The following NDFIP2 variants were observed in gnomAD, a reference collection of about 807,000 sequenced individuals.
NDFIP2 encodes the protein NEDD4 family-interacting protein 2.
NDFIP2 carries 19 observed loss-of-function variants against 36.0 expected under a neutral mutation model. That is an observed-to-expected ratio of 0.53 (90% CI 0.37 to 0.77). The LOEUF (loss-of-function observed/expected upper bound fraction) is 0.77. Among genes scored for constraint, NDFIP2 ranks in the 30% least tolerant of loss-of-function variants. NDFIP2 has a pLI of 0.00. For missense variants in NDFIP2, 446 were observed against 435.8 expected, an observed-to-expected ratio of 1.02 and a Z score of -0.21; for synonymous variants, 181 against 167.7, an observed-to-expected ratio of 1.08 and a Z score of -0.61.
intron 2 of NDFIP2, among the ~76,000 whole-genome samples, chr13:79,531,857 G>T (rs942378180): frequency 6.6e-6 from 1 of 152,206 alleles, no homozygotes; most frequent in Non-Finnish European, 1.5e-5. Context: ...GTTCACTGTA[G>T]TAGCACTTTT....
intron 1 of NDFIP2, among the ~76,000 whole-genome samples, chr13:79,518,420 A>G (rs566682901): frequency 2.4e-4 from 36 of 152,340 alleles, no homozygotes; most frequent in Non-Finnish European, 3.7e-4. Flanking sequence ...TACATTCACT[A>G]TCTCACAAAA....
At chr13:79,520,224 C>T (rs1474156812) in intron 1 of NDFIP2, among the ~76,000 whole-genome samples, 1 of 152,202 alleles carries the variant, frequency 6.6e-6, no homozygotes, top group African/African-American at 2.4e-5. Context: ...TCTAGATTCA[C>T]ACATTTTTTC....
chr13:79,546,198 C>T (rs1875672874), intron 5 of NDFIP2, among the ~76,000 whole-genome samples: 2 of 148,876 alleles, frequency 1.3e-5, no homozygotes, highest in African/African-American at 4.8e-5. Context: ...CTCCTAAAAA[C>T]CTGGTGTTCC....
chr13:79,492,446 C>CA (rs1352368321), intron 1 of NDFIP2, among the ~76,000 whole-genome samples: 1 of 152,006 alleles, frequency 6.6e-6, no homozygotes, highest in African/African-American at 2.4e-5. Context: ...CTGTGTCACC[C>CA]AGGCTGGAGT....
intron 2 of NDFIP2, among the ~76,000 whole-genome samples, chr13:79,523,222 T>G (rs961414905): frequency 1.1e-4 from 16 of 152,142 alleles, no homozygotes; most frequent in Non-Finnish European, 2.4e-4. Context: ...TTGTTTGTTT[T>G]TGTTTTTGTT....
chr13:79,497,594 G>A (rs896527821), intron 1 of NDFIP2, among the ~76,000 whole-genome samples: 1 of 148,184 alleles, frequency 6.7e-6, no homozygotes, highest in South Asian at 2.1e-4. Context: ...GTTGCTCTCC[G>A]TTGGGAAGGT....
intron 1 of NDFIP2, among the ~76,000 whole-genome samples, chr13:79,511,286 G>A (rs984777136): frequency 3.3e-5 from 5 of 152,242 alleles, no homozygotes; most frequent in Admixed American, 1.3e-4. Flanking sequence ...TATAATTTGG[G>A]GTACAGTATT....
intron 6 of NDFIP2, 22 bp from the exon 7 acceptor site, chr13:79,550,995 C>T: frequency 1.5e-6 from 2 of 1,368,100 alleles, no homozygotes; most frequent in Non-Finnish European, 2.0e-6. Flanking sequence ...ATAGTATATC[C>T]ATATTATTTC....
intron 1 of NDFIP2, among the ~76,000 whole-genome samples, chr13:79,484,472 A>G (rs1391783474): frequency 1.3e-5 from 2 of 152,252 alleles, no homozygotes; most frequent in Non-Finnish European, 1.5e-5. Context: ...TAGTAAGTGT[A>G]ACTGGAAGAT....
chr13:79,508,599 G>A lies in NDFIP2; in HGVS notation c.322-12211G>A, dbSNP rs568066202. The stretch of plus-strand genomic sequence containing the variant: ...CTGGTGGGAGTGTAGTAGTGAGGAC[G>A]ACCAGAGGTCACTCTCTTCGCCATC... On this transcript the variant is annotated intron_variant, in intron 1 of 7. Coordinates refer to ENST00000218652, the MANE Select transcript of NDFIP2 (RefSeq NM_019080.3). Among the ~76,000 whole-genome samples, 15 of 152,284 alleles carry A rather than the reference G, an allele frequency of 9.9e-5. No homozygotes were observed. In the East Asian group the frequency reaches 2.1e-3, roughly 22 times the overall value.
Position 79,509,688 on chromosome 13 carries a change from TATAG to T in NDFIP2, c.322-11120_322-11117del, listed in dbSNP as rs900666130. 5.7e-5 allele frequency among the ~76,000 whole-genome samples: 8 copies of T among 140,386 alleles called. No individual in the cohort carries two copies. The East Asian group carries it at 1.4e-3, about 25-fold the overall frequency. The allele number at this position is 140,386 out of a possible 152,430, so 92.1% of individuals were successfully genotyped here. On this transcript the variant is annotated intron_variant, in intron 1 of 7. Transcript: ENST00000218652. ...GATGTATATTATCGATATATATATA[TATAG>T]AGAGAGAGAGAGAGAAGTTTATTAA...
At chr13:79,530,418 C>T (rs1874970269) in intron 2 of NDFIP2, among the ~76,000 whole-genome samples, 3 of 152,180 alleles carry the variant, frequency 2.0e-5, no homozygotes, top group African/African-American at 7.2e-5. Flanking sequence ...TGCCCAGCTC[C>T]AGCTGTGGCA....
In NDFIP2 at chr13:79,481,459, C is replaced by A. The variant is rs773177618; in HGVS notation, c.256C>A (p.Arg86=). Residue 86 remains arginine, a synonymous_variant, in exon 1 of 8, where the codon CGG becomes AGG. Transcript: ENST00000218652. ...TGAGCACGGAGAAGACTCCCTCTCT[C>A]GGAAGCCGGATCCCGAGCCGGGCAG... The part of the protein sequence containing the change: ...GAEHGEDSLS[R]KPDPEPGRMD... The A allele has an allele frequency of 3.8e-6, 6 of 1,563,022 alleles. No individual in the cohort carries two copies. The highest frequency in any genetic ancestry group is 5.2e-6 in the Non-Finnish European group (6 of 1,153,354).
intron 1 of NDFIP2, among the ~76,000 whole-genome samples, chr13:79,517,044 A>G (rs949935931): frequency 6.6e-6 from 1 of 152,212 alleles, no homozygotes; most frequent in Non-Finnish European, 1.5e-5. Context: ...AAAAATGCTC[A>G]GTATATATCT....
At chr13:79,543,865 T>C (rs1875554370) in intron 5 of NDFIP2, among the ~76,000 whole-genome samples, 183 bp downstream of exon 5, 1 of 152,220 alleles carries the variant, frequency 6.6e-6, no homozygotes, top group Admixed American at 6.5e-5. Context: ...CTTTATCATA[T>C]GAGAAGTTGT....
intron 2 of NDFIP2, among the ~76,000 whole-genome samples, chr13:79,521,262 T>C (rs574502603): frequency 3.3e-5 from 5 of 152,244 alleles, no homozygotes; most frequent in Non-Finnish European, 5.9e-5. Context: ...CGTAGTGATA[T>C]CCCATACATA....
At chr13:79,539,153 C>A (rs1166161001) in intron 3 of NDFIP2, among the ~76,000 whole-genome samples, 2 of 152,142 alleles carry the variant, frequency 1.3e-5, no homozygotes, top group Non-Finnish European at 2.9e-5. Context: ...TAATCTTTTG[C>A]TCTTATTAAC....
chr13:79,500,631 T>TA (rs1416924017), intron 1 of NDFIP2, among the ~76,000 whole-genome samples: 1 of 152,044 alleles, frequency 6.6e-6, no homozygotes, highest in African/African-American at 2.4e-5. Flanking sequence ...ACATACCTGT[T>TA]ACGATGGCCC....
chr13:79,524,594 A>C (rs1010210979), intron 2 of NDFIP2, among the ~76,000 whole-genome samples: 3 of 152,198 alleles, frequency 2.0e-5, no homozygotes, highest in Non-Finnish European at 4.4e-5. Context: ...TTTCATAGCA[A>C]ACAGATTCAG....
Sources: gnomAD v4.1 joint callset for allele counts (sites outside exome capture counted in the v4.1 genomes callset) on GRCh38, gnomAD v4.1.1 for gene constraint, MANE v1.5 for transcripts, NCBI Gene and HGNC (gene_info 2026-07-23, HGNC 2026-07-21) for gene names.